The following ATAD2 variants were observed in gnomAD, a reference collection of about 807,000 sequenced individuals.
The protein encoded by ATAD2 is ATPase family AAA domain-containing protein 2.
Under a neutral mutation model 168.9 loss-of-function variants are expected in ATAD2, and 62 were observed. The ratio of observed to expected loss-of-function variants is 0.37; its 90% CI spans 0.30 to 0.45. ATAD2 has a LOEUF of 0.45. ATAD2 is among the 20% of genes least tolerant of loss of function. The pLI, the probability that ATAD2 is intolerant of heterozygous loss-of-function variation, is 1.00. For synonymous variants in ATAD2, 613 were observed against 571.6 expected (o/e 1.07, Z -1.03); for missense variants, 1,419 against 1,667.8 (o/e 0.85, Z 2.60).
intron 1 of ATAD2, among the ~76,000 whole-genome samples, chr8:123,409,665 C>T (rs1178245233): frequency 2.0e-5 from 3 of 151,754 alleles, no homozygotes; most frequent in East Asian, 2.0e-4. Context: ...TTCTAGTTTT[C>T]GTTTTTAAAT....
chr8:123,371,801 A>G lies in ATAD2; in HGVS notation c.405T>C (p.Ala135=). ...GTTCTGTACTTTGAACGATGTTTCTAGCCCTCAATGACCGAGTAACTGGAA... is the reference window on the plus strand; with the variant it reads ...GTTCTGTACTTTGAACGATGTTTCTGGCCCTCAATGACCGAGTAACTGGAA... ...KVIPVTRSLR[A]RNIVQSTEHL... is the part of the protein sequence containing the mutation. Residue 135 remains alanine, a synonymous_variant, in exon 4 of 28, where the codon GCT becomes GCC. Transcript: ENST00000287394. 2 of 1,608,708 alleles carry G rather than the reference A, an allele frequency of 1.2e-6. No homozygotes were observed. The highest frequency in any genetic ancestry group is 8.5e-7 in the Non-Finnish European group (1 of 1,178,502).
At position 123,370,027 on chromosome 8, in the gene ATAD2, A is replaced by G. The variant is rs776988305; in HGVS notation, c.728-3T>C. 6.2e-7 allele frequency: 1 copy of G among 1,600,880 alleles called. No homozygotes were observed. Among genetic ancestry groups the G allele is most frequent in the Non-Finnish European group, 8.5e-7 (1 of 1,172,744 alleles). ...GTCTTCACCCTCTTCAGATGACTCT[A>G]CAATTAAGAGATCCTTACTTCCAGA... On this transcript the variant is annotated splice_region_variant and splice_polypyrimidine_tract_variant and intron_variant, in intron 6 of 27. Transcript: ENST00000287394.
chr8:123,324,519 C>A (rs1026911425), intron 26 of ATAD2, among the ~76,000 whole-genome samples: 1 of 152,218 alleles, frequency 6.6e-6, no homozygotes. Context: ...GGAGATAAGA[C>A]CGTTGTTTAG....
intron 24 of ATAD2, among the ~76,000 whole-genome samples, chr8:123,330,391 G>C (rs1275678617): frequency 6.6e-6 from 1 of 151,730 alleles, no homozygotes; most frequent in Non-Finnish European, 1.5e-5. Flanking sequence ...TTGAGATGGA[G>C]TCTTGCTCTG....
intron 22 of ATAD2, 82 bp from the exon 23 acceptor site, chr8:123,334,404 G>A (rs1827858735): frequency 8.0e-7 from 1 of 1,246,092 alleles, no homozygotes. Context: ...ATTAGGCTAA[G>A]ATAGTAGCTC....
chr8:123,395,122 C>T (rs1315663257), intron 1 of ATAD2, among the ~76,000 whole-genome samples: 1 of 152,182 alleles, frequency 6.6e-6, no homozygotes, highest in Non-Finnish European at 1.5e-5. Flanking sequence ...CATTCTCATT[C>T]CCAAGTTCCC....
chr8:123,328,230 G>A lies in ATAD2; in HGVS notation c.3828C>T (p.Ser1276=). 1 of 1,469,556 alleles carries A rather than the reference G, an allele frequency of 6.8e-7. No individual in the cohort carries two copies. Among genetic ancestry groups the A allele is most frequent in the Non-Finnish European group, 9.0e-7 (1 of 1,111,542 alleles). 91.0% of individuals were successfully genotyped at this position (1,469,556 alleles called of 1,614,324 possible). The part of the protein sequence containing the change: ...DKIACNGDAS[S]SQIIHISDEN... ...CATCAGAAATATGTATTATCTGAGAGCTAGAAGCATCTCCATTACAAGCAA... is the reference window on the plus strand; with the variant it reads ...CATCAGAAATATGTATTATCTGAGAACTAGAAGCATCTCCATTACAAGCAA... Residue 1276 remains serine (S), a synonymous_variant, in exon 25 of 28, where the codon AGC becomes AGT. Coordinates refer to ENST00000287394, the MANE Select transcript of ATAD2 (RefSeq NM_014109.4).
rs975823313 is a variant in ATAD2 at position 123,345,590 on chromosome 8, G to C, written c.2532+496C>G. 4.2e-5 allele frequency among the ~76,000 whole-genome samples: 6 copies of C among 143,904 alleles called. No homozygotes were observed. The East Asian group carries it at 1.2e-3, about 28-fold the overall frequency. 94.4% of individuals were successfully genotyped at this position (143,904 alleles called of 152,430 possible). On this transcript the variant is annotated intron_variant, in intron 18 of 27. Coordinates refer to ENST00000287394, the MANE Select transcript of ATAD2 (RefSeq NM_014109.4). Reference sequence around the variant, plus strand: ...CCAGCTACTCGGGAGGCTAAGGCAGGAGAATTGCTTGAACCCGGAAGGCGG... The same window carrying C: ...CCAGCTACTCGGGAGGCTAAGGCAGCAGAATTGCTTGAACCCGGAAGGCGG...
intron 21 of ATAD2, among the ~76,000 whole-genome samples, chr8:123,337,312 G>A (rs1466287954): frequency 2.0e-5 from 3 of 151,708 alleles, no homozygotes; most frequent in East Asian, 1.9e-4. Context: ...GCAATGAGCC[G>A]AGATCGCGCC....
chr8:123,349,164 C>A (rs1828364705), intron 14 of ATAD2, 121 bp downstream of exon 14: 1 of 986,234 alleles, frequency 1.0e-6, no homozygotes, highest in African/African-American at 1.6e-5. Context: ...GAGTTGTTTA[C>A]TATCATTTGA....
chr8:123,357,155 T>C (rs1337618768), intron 12 of ATAD2, among the ~76,000 whole-genome samples: 3 of 152,196 alleles, frequency 2.0e-5, no homozygotes, highest in African/African-American at 7.2e-5. Flanking sequence ...TTTGCAGCAA[T>C]ATGCCTCAGT....
At chr8:123,332,677 C>T (rs1419058044) in intron 24 of ATAD2, among the ~76,000 whole-genome samples, 1 of 152,038 alleles carries the variant, frequency 6.6e-6, no homozygotes, top group Non-Finnish European at 1.5e-5. Context: ...TGAGTTACCC[C>T]CAGTGTTGAA....
At chr8:123,378,631 G>A (rs1829393505) in intron 2 of ATAD2, among the ~76,000 whole-genome samples, 1 of 148,960 alleles carries the variant, frequency 6.7e-6, no homozygotes, top group Admixed American at 6.8e-5. Context: ...GAACCTGGGA[G>A]GCGGAGGTTG....
intron 8 of ATAD2, among the ~76,000 whole-genome samples, chr8:123,368,685 A>G (rs772060159): frequency 4.5e-4 from 68 of 152,228 alleles, no homozygotes; most frequent in Admixed American, 5.2e-4. Context: ...CTGTGATAGT[A>G]TGCAAAGAAA....
rs190079660 is a variant in ATAD2, at chr8:123,404,792, G to A, written c.-2281-3617C>T. On this transcript the variant is annotated intron_variant, in intron 1 of 28. Transcript: ENST00000521903. ...CCTGACCTCATGATCCACCCACCTC[G>A]GCCTCCCAAAGTGCTGGGATTACAG... Among the ~76,000 whole-genome samples, 383 of 152,014 alleles carry A rather than the reference G, an allele frequency of 2.5e-3. 2 individuals are homozygous for A. Among genetic ancestry groups the A allele is most frequent in the African/African-American group, 8.4e-3 (350 of 41,488 alleles).
chr8:123,327,604 AAAT>A (rs1827649453), intron 25 of ATAD2, among the ~76,000 whole-genome samples: 1 of 152,198 alleles, frequency 6.6e-6, no homozygotes, highest in African/African-American at 2.4e-5. Flanking sequence ...TTGTATGATT[AAAT>A]AATGTTTGGC....
intron 13 of ATAD2, among the ~76,000 whole-genome samples, chr8:123,355,941 G>A (rs1253795106): frequency 6.6e-6 from 1 of 151,704 alleles, no homozygotes; most frequent in Non-Finnish European, 1.5e-5. Flanking sequence ...TTTTTGAGAG[G>A]GAGTTTCGCT....
At chr8:123,401,561 C>A in intron 1 of ATAD2, 1 of 1,493,612 alleles carries the variant, frequency 6.7e-7, no homozygotes, top group East Asian at 2.4e-5. Flanking sequence ...GCGGCTCCCT[C>A]TGCATCACCC....
intron 24 of ATAD2, among the ~76,000 whole-genome samples, chr8:123,333,231 C>CAAAAAA (rs71310667): frequency 3.2e-4 from 14 of 43,980 alleles, no homozygotes; most frequent in African/African-American, 4.9e-4. Context: ...TCTAAAAATA[C>CAAAAAA]AAAAAAAAAA....
Sources: allele counts gnomAD v4.1 joint callset (sites outside exome capture counted in the v4.1 genomes callset), GRCh38; gene constraint gnomAD v4.1.1; transcripts MANE v1.5; gene names NCBI Gene and HGNC (gene_info 2026-07-23, HGNC 2026-07-21).